VPS13D: variants seen among roughly 807,000 people sequenced by gnomAD.
VPS13D encodes the protein vacuolar protein sorting 13 homolog D, also known as intermembrane lipid transfer protein VPS13D.
VPS13D carries 187 observed loss-of-function variants against 461.9 expected under a neutral mutation model. The ratio of observed to expected loss-of-function variants is 0.40; its 90% CI spans 0.36 to 0.46. The LOEUF (loss-of-function observed/expected upper bound fraction) is 0.46, where lower values mean the gene tolerates loss of function less well. Among genes scored for constraint, VPS13D ranks in the 20% least tolerant of loss-of-function variants. The pLI is 0.60. For missense variants in VPS13D, 4,711 were observed against 5,364.9 expected, an observed-to-expected ratio of 0.88 and a Z score of 3.81; for synonymous variants, 1,951 against 1,986.3, an observed-to-expected ratio of 0.98 and a Z score of 0.47.
chr1:12,499,720 A>C, intron 68 of VPS13D: 3 of 985,448 alleles, frequency 3.0e-6, no homozygotes, highest in Non-Finnish European at 3.6e-6. Flanking sequence ...ATGAATGCTG[A>C]AGGAGGCACG....
chr1:12,301,033 G>A (rs1642409691), intron 25 of VPS13D, among the ~76,000 whole-genome samples: 1 of 152,198 alleles, frequency 6.6e-6, no homozygotes, highest in African/African-American at 2.4e-5. Flanking sequence ...CCTTTGAGAT[G>A]TATGTAAGAT....
intron 60 of VPS13D, among the ~76,000 whole-genome samples, chr1:12,392,898 C>A (rs1460647571): frequency 6.6e-6 from 1 of 152,224 alleles, no homozygotes; most frequent in Non-Finnish European, 1.5e-5. Context: ...CCATTCTGGA[C>A]CCCTCAAAAC....
At chr1:12,428,929 G>T (rs961385611) in intron 65 of VPS13D, among the ~76,000 whole-genome samples, 7 of 152,188 alleles carry the variant, frequency 4.6e-5, no homozygotes, top group African/African-American at 1.7e-4. Context: ...ATTGCAGTGG[G>T]GTCTGTGCAA....
At chr1:12,239,131 A>G (rs1041380958) in intron 2 of VPS13D, among the ~76,000 whole-genome samples, 2 of 151,758 alleles carry the variant, frequency 1.3e-5, no homozygotes, top group Admixed American at 6.6e-5. Context: ...TTTTGAGTGG[A>G]TCTTTTTTTC....
chr1:12,393,334 G>A (rs191878549), intron 60 of VPS13D, among the ~76,000 whole-genome samples: 349 of 152,358 alleles, frequency 2.3e-3, no homozygotes, highest in Non-Finnish European at 3.5e-3. Flanking sequence ...ATACCCCTGC[G>A]GTTAGGACAG....
chr1:12,372,052 GTTTTTA>G (rs1483737568), intron 54 of VPS13D, among the ~76,000 whole-genome samples: 2 of 151,888 alleles, frequency 1.3e-5, no homozygotes, highest in Non-Finnish European at 2.9e-5. Flanking sequence ...TTTTGTTTTT[GTTTTTA>G]TTTTTATTTC....
chr1:12,253,260 G>T (rs570543126), intron 6 of VPS13D, among the ~76,000 whole-genome samples: 1 of 152,250 alleles, frequency 6.6e-6, no homozygotes, highest in Non-Finnish European at 1.5e-5. Context: ...GTACAGGGAG[G>T]ATATATGGGT....
chr1:12,352,009 G>A (rs551701046), intron 46 of VPS13D, among the ~76,000 whole-genome samples: 2 of 151,530 alleles, frequency 1.3e-5, no homozygotes, highest in African/African-American at 2.4e-5. Context: ...CTAAAAGAAA[G>A]TCAAGTGCAG....
chr1:12,284,494 A>G (rs951186838), intron 21 of VPS13D, among the ~76,000 whole-genome samples: 2 of 152,220 alleles, frequency 1.3e-5, no homozygotes, highest in African/African-American at 4.8e-5. Flanking sequence ...AAAAGACAGC[A>G]TTTGAGTTTA....
At chr1:12,305,017 C>A (rs1642523419) in intron 26 of VPS13D, among the ~76,000 whole-genome samples, 8 of 152,102 alleles carry the variant, frequency 5.3e-5, no homozygotes, top group Admixed American at 5.2e-4. Context: ...ATAGTTGCCA[C>A]CAGATAGTGA....
intron 40 of VPS13D, among the ~76,000 whole-genome samples, chr1:12,338,978 G>A (rs1368775184): frequency 1.3e-5 from 2 of 152,158 alleles, no homozygotes; most frequent in Non-Finnish European, 2.9e-5. Context: ...AATGATTTAT[G>A]TGTGTACATG....
intron 25 of VPS13D, among the ~76,000 whole-genome samples, chr1:12,303,341 C>T (rs976907005): frequency 6.6e-6 from 1 of 152,146 alleles, no homozygotes; most frequent in Non-Finnish European, 1.5e-5. Flanking sequence ...TATGCTTAAA[C>T]CACAATTTCT....
chr1:12,367,313 A>G (rs1291279015), intron 52 of VPS13D, among the ~76,000 whole-genome samples: 1 of 152,192 alleles, frequency 6.6e-6, no homozygotes, highest in Non-Finnish European at 1.5e-5. Flanking sequence ...CCACCATGTC[A>G]CATCAGGATG....
chr1:12,259,775 G>A (rs1641046028), intron 10 of VPS13D, among the ~76,000 whole-genome samples: 1 of 152,150 alleles, frequency 6.6e-6, no homozygotes, highest in Non-Finnish European at 1.5e-5. Context: ...TGGGTATCAT[G>A]GTTCTTTCCT....
chr1:12,486,535 C>T (rs570667474), intron 67 of VPS13D, among the ~76,000 whole-genome samples: 9 of 152,298 alleles, frequency 5.9e-5, no homozygotes, highest in Admixed American at 4.6e-4. Context: ...TGTTCTTTTC[C>T]TTCCTGGAAA....
chr1:12,358,362 A>G, intron 49 of VPS13D, 97 bp from the exon 50 acceptor site: 4 of 1,489,636 alleles, frequency 2.7e-6, no homozygotes, highest in Non-Finnish European at 3.6e-6. Flanking sequence ...TAGAGATGGA[A>G]CTTGGGTGAT....
intron 67 of VPS13D, among the ~76,000 whole-genome samples, chr1:12,469,914 T>C (rs564108424): frequency 3.3e-5 from 5 of 152,216 alleles, no homozygotes; most frequent in Non-Finnish European, 5.9e-5. Flanking sequence ...GCCCTGACTC[T>C]TGCAGGTACT....
intron 68 of VPS13D, 98 bp from the exon 69 acceptor site, chr1:12,506,755 G>T: frequency 6.8e-7 from 1 of 1,473,462 alleles, no homozygotes; most frequent in Non-Finnish European, 9.1e-7. Context: ...GCCGGGATTC[G>T]CACTCAGGCC....
At chr1:12,372,430 T>C (rs1644132804) in intron 54 of VPS13D, among the ~76,000 whole-genome samples, 2 of 152,338 alleles carry the variant, frequency 1.3e-5, no homozygotes, top group Non-Finnish European at 2.9e-5. Context: ...GGTATCTCAT[T>C]GTGGCTTTTG....
Sources: gnomAD v4.1 joint callset for allele counts (sites outside exome capture counted in the v4.1 genomes callset) on GRCh38, gnomAD v4.1.1 for gene constraint, MANE v1.5 for transcripts, NCBI Gene and HGNC (gene_info 2026-07-23, HGNC 2026-07-21) for gene names.